Variants in SPAG1 observed in about 807,000 individuals in gnomAD.
The protein encoded by SPAG1 is sperm associated antigen 1, also known as sperm-associated antigen 1.
SPAG1 carries 69 observed loss-of-function variants against 100.5 expected under a neutral mutation model. That is an observed-to-expected ratio of 0.69 (90% CI 0.57 to 0.84). SPAG1 has a LOEUF of 0.84. Ranked by LOEUF, SPAG1 falls within the 40% of genes least tolerant of loss-of-function variation. SPAG1 has a pLI of 0.00. For missense variants in SPAG1, 955 were observed against 1,133.1 expected, an observed-to-expected ratio of 0.84 and a Z score of 2.26; for synonymous variants, 336 against 411.6, an observed-to-expected ratio of 0.82 and a Z score of 2.22.
intron 3 of SPAG1, among the ~76,000 whole-genome samples, chr8:100,177,607 A>T (rs572461828): frequency 2.6e-5 from 4 of 152,164 alleles, no homozygotes; most frequent in South Asian, 2.1e-4. Flanking sequence ...CTTTATCTTA[A>T]TTTTTTTGAT....
chr8:100,218,791 G>C (rs934835733), intron 12 of SPAG1, among the ~76,000 whole-genome samples: 1 of 152,160 alleles, frequency 6.6e-6, no homozygotes, highest in African/African-American at 2.4e-5. Context: ...ATGCCAGAAG[G>C]GCTCCCACAA....
intron 1 of SPAG1, among the ~76,000 whole-genome samples, chr8:100,159,318 G>C (rs922350109): frequency 6.6e-6 from 1 of 152,116 alleles, no homozygotes; most frequent in Admixed American, 6.5e-5. Context: ...TTCATCAATA[G>C]GCCCTGAAGG....
intron 14 of SPAG1, among the ~76,000 whole-genome samples, chr8:100,227,360 A>C (rs114285721): frequency 6.6e-6 from 1 of 152,172 alleles, no homozygotes; most frequent in Non-Finnish European, 1.5e-5. Flanking sequence ...TAGAAACTCC[A>C]TATGTGTCCC....
intron 10 of SPAG1, among the ~76,000 whole-genome samples, chr8:100,195,096 C>T (rs771691407): frequency 5.4e-5 from 8 of 147,460 alleles, no homozygotes; most frequent in East Asian, 2.0e-4. Context: ...ACCCGGGAGG[C>T]GGAGGTTGTG....
At chr8:100,185,013 A>G (rs936888702) in intron 7 of SPAG1, 6 of 298,666 alleles carry the variant, frequency 2.0e-5, no homozygotes, top group Admixed American at 5.9e-5. Flanking sequence ...GGCCCATATG[A>G]TATAGAAGTG....
At chr8:100,201,823 G>A (rs934259917) in intron 10 of SPAG1, among the ~76,000 whole-genome samples, 14 of 152,146 alleles carry the variant, frequency 9.2e-5, no homozygotes, top group Non-Finnish European at 1.5e-4. Context: ...CTGAACACAG[G>A]GAGGTTCCTG....
chr8:100,229,781 CAGAA>C (rs1818683309), intron 14 of SPAG1, among the ~76,000 whole-genome samples: 1 of 152,194 alleles, frequency 6.6e-6, no homozygotes, highest in African/African-American at 2.4e-5. Context: ...TTGTAGATAA[CAGAA>C]AGCCCAACTT....
At chr8:100,223,254 A>G (rs1045335762) in intron 13 of SPAG1, among the ~76,000 whole-genome samples, 2 of 152,194 alleles carry the variant, frequency 1.3e-5, no homozygotes, top group African/African-American at 2.4e-5. Flanking sequence ...TTTTGTTTGC[A>G]TACTTGCTTT....
At chr8:100,225,792 C>T (rs1363615417) in intron 14 of SPAG1, among the ~76,000 whole-genome samples, 1 of 151,976 alleles carries the variant, frequency 6.6e-6, no homozygotes. Flanking sequence ...GAAGTTGCTA[C>T]ATACCTCCTG....
intron 12 of SPAG1, among the ~76,000 whole-genome samples, 165 bp from the exon 13 acceptor site, chr8:100,220,114 T>C (rs777841218): frequency 2.6e-4 from 39 of 152,216 alleles, no homozygotes; most frequent in Admixed American, 1.4e-3. Flanking sequence ...ATATGATTGC[T>C]TTCTTACTCT....
At chr8:100,234,073 G>A (rs1757576807) in intron 16 of SPAG1, among the ~76,000 whole-genome samples, 2 of 152,134 alleles carry the variant, frequency 1.3e-5, no homozygotes, top group Admixed American at 6.6e-5. Flanking sequence ...AGAAGAAAGT[G>A]GATATTGTAT....
intron 12 of SPAG1, among the ~76,000 whole-genome samples, chr8:100,217,618 A>G (rs1171749891): frequency 6.6e-6 from 1 of 152,150 alleles, no homozygotes; most frequent in Admixed American, 6.5e-5. Flanking sequence ...TAAAATACTC[A>G]TAATTGTTTA....
intron 3 of SPAG1, among the ~76,000 whole-genome samples, chr8:100,168,421 C>T (rs1397734849): frequency 2.0e-5 from 3 of 152,094 alleles, no homozygotes; most frequent in South Asian, 4.2e-4. Context: ...TTATCAGATA[C>T]GTTGCTTTTT....
intron 14 of SPAG1, among the ~76,000 whole-genome samples, chr8:100,226,177 A>G (rs142774808): frequency 3.6e-4 from 54 of 152,066 alleles, no homozygotes; most frequent in Middle Eastern, 3.4e-3. Context: ...TTGTATTTTT[A>G]GTAGAGACGG....
chr8:100,169,047 T>C (rs938343851), intron 3 of SPAG1, among the ~76,000 whole-genome samples: 1 of 152,066 alleles, frequency 6.6e-6, no homozygotes, highest in Non-Finnish European at 1.5e-5. Context: ...TTTGATGAAA[T>C]CTTTTTTTTA....
At chr8:100,206,017 CAAAAAAAAAAAAAAAAAA>C (rs574907013) in intron 10 of SPAG1, among the ~76,000 whole-genome samples, 18 of 77,348 alleles carry the variant, frequency 2.3e-4, no homozygotes, top group South Asian at 2.0e-3. Flanking sequence ...GACTCTGTCT[CAAAAAAAAAAAAAAAAAA>C]AAAAAAAAAA....
chr8:100,214,142 C>T (rs762191592), intron 12 of SPAG1, among the ~76,000 whole-genome samples: 65 of 152,208 alleles, frequency 4.3e-4, no homozygotes, highest in Non-Finnish European at 8.7e-4. Context: ...CGCCCTAATT[C>T]GTGCTCTTTT....
At chr8:100,191,536 GGC>G in intron 9 of SPAG1, 40 bp downstream of exon 9, 1 of 1,334,412 alleles carries the variant, frequency 7.5e-7, no homozygotes, top group Non-Finnish European at 1.1e-6. Flanking sequence ...TTCTGTAGTT[GGC>G]TGTTTCTGTA....
intron 15 of SPAG1, 56 bp from the exon 16 acceptor site, chr8:100,233,355 T>C: frequency 6.2e-7 from 1 of 1,600,528 alleles, no homozygotes; most frequent in Non-Finnish European, 8.5e-7. Context: ...TGTCTAAAAC[T>C]TACAGATAGC....
Sources: gnomAD v4.1 joint callset for allele counts (sites outside exome capture counted in the v4.1 genomes callset) on GRCh38, gnomAD v4.1.1 for gene constraint, MANE v1.5 for transcripts, NCBI Gene and HGNC (gene_info 2026-07-23, HGNC 2026-07-21) for gene names.